TGFBR3: variants seen among roughly 807,000 people sequenced by gnomAD.
TGFBR3 encodes the protein transforming growth factor beta receptor 3.
A neutral mutation model predicts 87.9 loss-of-function variants in TGFBR3; 46 were observed. The ratio of observed to expected loss-of-function variants is 0.52; its 90% CI spans 0.41 to 0.67. The LOEUF (loss-of-function observed/expected upper bound fraction) is 0.67, where lower values mean the gene tolerates loss of function less well. Among genes scored for constraint, TGFBR3 ranks in the 30% least tolerant of loss-of-function variants. The pLI, the probability that TGFBR3 is intolerant of heterozygous loss-of-function variation, is 0.00. For missense variants in TGFBR3, 866 were observed against 1,041.9 expected, an observed-to-expected ratio of 0.83 and a Z score of 2.32; for synonymous variants, 381 against 391.6, an observed-to-expected ratio of 0.97 and a Z score of 0.32.
At chr1:91,882,348 G>T (rs1475323475) in intron 1 of TGFBR3, among the ~76,000 whole-genome samples, 1 of 151,616 alleles carries the variant, frequency 6.6e-6, no homozygotes, top group African/African-American at 2.4e-5. Context: ...TGTTGGCCAG[G>T]CTGGTCTCGA....
At chr1:91,723,836 T>C (rs1273377857) in intron 7 of TGFBR3, among the ~76,000 whole-genome samples, 1 of 152,222 alleles carries the variant, frequency 6.6e-6, no homozygotes, top group Non-Finnish European at 1.5e-5. Context: ...CCTGCATGCA[T>C]GCAGCATTTT....
intron 3 of TGFBR3, among the ~76,000 whole-genome samples, chr1:91,775,910 C>T (rs1674550608): frequency 6.6e-6 from 1 of 152,166 alleles, no homozygotes; most frequent in Non-Finnish European, 1.5e-5. Flanking sequence ...GTCTGTTTTG[C>T]TAAAGGGCAA....
chr1:91,902,298 T>TGTGA (rs766460826), intron 1 of TGFBR3, among the ~76,000 whole-genome samples: 10 of 151,456 alleles, frequency 6.6e-5, no homozygotes, highest in Middle Eastern at 3.4e-3. Flanking sequence ...TGTGTGTGTG[T>TGTGA]GACAGGGTCT....
chr1:91,711,404 C>T (rs1482847449), intron 13 of TGFBR3, among the ~76,000 whole-genome samples: 1 of 152,172 alleles, frequency 6.6e-6, no homozygotes, highest in Admixed American at 6.5e-5. Flanking sequence ...ATACCTAAGA[C>T]TTAAAATCTG....
chr1:91,700,657 T>C (rs1044842563), intron 14 of TGFBR3, among the ~76,000 whole-genome samples: 7 of 152,176 alleles, frequency 4.6e-5, no homozygotes, highest in African/African-American at 1.7e-4. Context: ...GAAAATCTAA[T>C]TCAGTATGCA....
chr1:91,855,260 G>A (rs1031225811), intron 2 of TGFBR3, among the ~76,000 whole-genome samples: 1 of 152,216 alleles, frequency 6.6e-6, no homozygotes, highest in Non-Finnish European at 1.5e-5. Context: ...GTACTGAATT[G>A]AGACAGTGGA....
intron 2 of TGFBR3, among the ~76,000 whole-genome samples, chr1:91,824,041 G>C (rs1484333227): frequency 2.6e-5 from 4 of 152,110 alleles, no homozygotes; most frequent in African/African-American, 9.7e-5. Flanking sequence ...GAGGTAGGAG[G>C]ATCACCTGAG....
At chr1:91,704,028 T>C (rs1671707585) in intron 14 of TGFBR3, among the ~76,000 whole-genome samples, 1 of 152,068 alleles carries the variant, frequency 6.6e-6, no homozygotes, top group Non-Finnish European at 1.5e-5. Flanking sequence ...TGTGATATGG[T>C]ATGAAAAGGG....
chr1:91,869,714 T>C (rs896505973), intron 1 of TGFBR3, among the ~76,000 whole-genome samples: 20 of 152,266 alleles, frequency 1.3e-4, no homozygotes, highest in African/African-American at 4.3e-4. Context: ...AATTAGAACA[T>C]TTCTCAATAA....
intron 2 of TGFBR3, among the ~76,000 whole-genome samples, chr1:91,817,335 A>T (rs940646332): frequency 6.6e-6 from 1 of 152,236 alleles, no homozygotes; most frequent in African/African-American, 2.4e-5. Flanking sequence ...ACATATTAGC[A>T]CTGTGTAATA....
chr1:91,727,617 C>T, intron 7 of TGFBR3, 42 bp downstream of exon 7: 4 of 1,611,842 alleles, frequency 2.5e-6, no homozygotes, highest in Non-Finnish European at 2.5e-6. Context: ...AAATTGTTGT[C>T]ATTTATCTAA....
At chr1:91,890,403 TATAA>T (rs1557765283), upstream of TGFBR3, among the ~76,000 whole-genome samples, 10 of 135,422 alleles carry the variant, frequency 7.4e-5, no homozygotes, top group African/African-American at 2.6e-5. Flanking sequence ...GTTGTTTCTC[TATAA>T]TCTTTTTTTT....
intron 1 of TGFBR3, among the ~76,000 whole-genome samples, chr1:91,882,040 A>AAAT (rs1679103042): frequency 1.4e-5 from 2 of 146,350 alleles, no homozygotes; most frequent in African/African-American, 5.0e-5. Context: ...CTTTGTCTCA[A>AAAT]AAATAAATAA....
At chr1:91,858,610 CAAAAAAAAAAAA>C (rs58608714) in intron 2 of TGFBR3, among the ~76,000 whole-genome samples, 7 of 78,302 alleles carry the variant, frequency 8.9e-5, no homozygotes, top group South Asian at 5.6e-4. Flanking sequence ...GACTCTGTCT[CAAAAAAAAAAAA>C]AAAAAAAAAA....
At chr1:91,802,545 G>A (rs1300655577) in intron 2 of TGFBR3, among the ~76,000 whole-genome samples, 5 of 151,938 alleles carry the variant, frequency 3.3e-5, no homozygotes, top group Non-Finnish European at 7.4e-5. Context: ...ATTTTCAATA[G>A]AGATGGGGTT....
chr1:91,841,802 A>AG (rs1399088935), intron 2 of TGFBR3, among the ~76,000 whole-genome samples: 2 of 150,540 alleles, frequency 1.3e-5, no homozygotes, highest in Non-Finnish European at 1.5e-5. Context: ...TCAAAAAAAA[A>AG]AAAAAAAAAA....
intron 1 of TGFBR3, among the ~76,000 whole-genome samples, chr1:91,876,875 C>T (rs993781143): frequency 2.0e-5 from 3 of 151,984 alleles, no homozygotes; most frequent in Non-Finnish European, 4.4e-5. Context: ...TGTGTGTCTA[C>T]AGTCCTTTCT....
At chr1:91,711,132 C>T (rs1174969954) in intron 13 of TGFBR3, among the ~76,000 whole-genome samples, 1 of 152,182 alleles carries the variant, frequency 6.6e-6, no homozygotes, top group Non-Finnish European at 1.5e-5. Flanking sequence ...GGCTCTCTAC[C>T]ACTGTCCACT....
intron 1 of TGFBR3, among the ~76,000 whole-genome samples, chr1:91,882,824 T>C (rs1211299166): frequency 6.6e-6 from 1 of 152,164 alleles, no homozygotes; most frequent in Non-Finnish European, 1.5e-5. Flanking sequence ...TTTACAAGTA[T>C]GAGTATTCAT....
Sources: gnomAD v4.1 joint callset for allele counts (sites outside exome capture counted in the v4.1 genomes callset) on GRCh38, gnomAD v4.1.1 for gene constraint, MANE v1.5 for transcripts, NCBI Gene and HGNC (gene_info 2026-07-23, HGNC 2026-07-21) for gene names.